Variants in ADGRL3 observed in about 807,000 individuals in gnomAD.
ADGRL3 encodes the protein adhesion G protein-coupled receptor L3, also known as calcium-independent alpha-latrotoxin receptor 3.
In ADGRL3, 62 loss-of-function variants were observed where a neutral mutation model predicts 153.5. The observed-to-expected ratio is 0.40, with a 90% CI of 0.33 to 0.50. The LOEUF is 0.50. ADGRL3 is among the 20% of genes least tolerant of loss of function. The pLI, the probability that ADGRL3 is intolerant of heterozygous loss-of-function variation, is 0.47. For synonymous variants in ADGRL3, 710 were observed against 672.5 expected, an observed-to-expected ratio of 1.06 and a Z score of -0.86; for missense variants, 1,641 against 1,859.4, an observed-to-expected ratio of 0.88 and a Z score of 2.16.
intron 1 of ADGRL3, among the ~76,000 whole-genome samples, chr4:61,314,459 C>T (rs1436237861): frequency 2.6e-5 from 4 of 152,154 alleles, no homozygotes; most frequent in East Asian, 1.9e-4. Flanking sequence ...TCCACCCGCT[C>T]GGCCTCCCAA....
intron 5 of ADGRL3, among the ~76,000 whole-genome samples, chr4:61,591,778 AAGAG>A (rs142130461): frequency 9.3e-5 from 14 of 151,338 alleles, no homozygotes; most frequent in East Asian, 7.8e-4. Context: ...ACATGCAGAA[AAGAG>A]AGAGAGAGAG....
intron 13 of ADGRL3, among the ~76,000 whole-genome samples, chr4:61,927,086 G>A (rs2098797456): frequency 6.6e-6 from 1 of 152,078 alleles, no homozygotes; most frequent in Non-Finnish European, 1.5e-5. Flanking sequence ...TTAATTACTT[G>A]TTTAATTGCC....
intron 5 of ADGRL3, among the ~76,000 whole-genome samples, chr4:61,641,267 A>AT (rs35499877): frequency 4.6e-4 from 69 of 151,048 alleles, no homozygotes; most frequent in Non-Finnish European, 6.4e-4. Context: ...AATAAATCCT[A>AT]TTTTTTTTTC....
At chr4:61,404,411 C>A (rs1252393284) in intron 2 of ADGRL3, among the ~76,000 whole-genome samples, 2 of 152,032 alleles carry the variant, frequency 1.3e-5, no homozygotes, top group East Asian at 3.9e-4. Flanking sequence ...AGACTAGTAC[C>A]TTGCTGCTTT....
chr4:61,525,501 T>C (rs977384759), intron 4 of ADGRL3, among the ~76,000 whole-genome samples: 11 of 152,122 alleles, frequency 7.2e-5, no homozygotes, highest in Non-Finnish European at 1.6e-4. Flanking sequence ...TAATTGTGTC[T>C]GTAGTGGGGA....
At chr4:61,228,073 G>T (rs143708031) in intron 1 of ADGRL3, among the ~76,000 whole-genome samples, 1 of 152,290 alleles carries the variant, frequency 6.6e-6, no homozygotes, top group African/African-American at 2.4e-5. Context: ...CTGAATTGCA[G>T]ATCTTGTTCA....
intron 9 of ADGRL3, among the ~76,000 whole-genome samples, chr4:61,867,979 T>G (rs1379812202): frequency 1.3e-5 from 2 of 152,186 alleles, no homozygotes; most frequent in Non-Finnish European, 2.9e-5. Flanking sequence ...TGTCACTTTA[T>G]AGCTTTGATT....
intron 6 of ADGRL3, among the ~76,000 whole-genome samples, chr4:61,718,282 A>G (rs2096165831): frequency 6.6e-6 from 1 of 152,162 alleles, no homozygotes; most frequent in African/African-American, 2.4e-5. Flanking sequence ...TTCTTAATAC[A>G]AATAAAGTTG....
At chr4:62,043,941 T>C (rs760261563) in intron 24 of ADGRL3, among the ~76,000 whole-genome samples, 12 of 151,990 alleles carry the variant, frequency 7.9e-5, no homozygotes, top group Non-Finnish European at 1.5e-4. Flanking sequence ...CTAAAAGTTA[T>C]GGAAAATTTA....
intron 4 of ADGRL3, among the ~76,000 whole-genome samples, chr4:61,525,368 C>A (rs993830374): frequency 2.0e-5 from 3 of 151,892 alleles, no homozygotes; most frequent in Admixed American, 2.0e-4. Flanking sequence ...TATGAAATGT[C>A]AAATAGTCTA....
chr4:61,279,892 G>T (rs2093646403), intron 1 of ADGRL3, among the ~76,000 whole-genome samples: 1 of 151,998 alleles, frequency 6.6e-6, no homozygotes, highest in South Asian at 2.1e-4. Context: ...TTCCCCGTCT[G>T]CAAAATAAGG....
At chr4:61,684,431 T>C (rs1313745217) in intron 6 of ADGRL3, among the ~76,000 whole-genome samples, 1 of 152,124 alleles carries the variant, frequency 6.6e-6, no homozygotes, top group East Asian at 1.9e-4. Flanking sequence ...GTGTTCCTGC[T>C]AATCTAATTC....
chr4:61,588,128 G>A (rs1408821115), intron 5 of ADGRL3, among the ~76,000 whole-genome samples: 2 of 151,634 alleles, frequency 1.3e-5, no homozygotes, highest in East Asian at 1.9e-4. Context: ...AGTTAGCTAA[G>A]TATTATATAT....
intron 2 of ADGRL3, among the ~76,000 whole-genome samples, chr4:61,419,469 A>G (rs1276482787): frequency 6.6e-6 from 1 of 151,030 alleles, no homozygotes; most frequent in African/African-American, 2.4e-5. Context: ...ATCCATTGCA[A>G]GGCACACTCA....
intron 2 of ADGRL3, among the ~76,000 whole-genome samples, chr4:61,434,310 CAG>C (rs1328234242): frequency 1.3e-5 from 2 of 152,012 alleles, no homozygotes; most frequent in Admixed American, 6.6e-5. Context: ...TTAATTGACA[CAG>C]ATATTATTGA....
At chr4:61,933,267 G>GT (rs1360356830) in intron 13 of ADGRL3, among the ~76,000 whole-genome samples, 2 of 151,880 alleles carry the variant, frequency 1.3e-5, no homozygotes, top group African/African-American at 2.4e-5. Context: ...AATATCTAAA[G>GT]TTTTTTTATT....
intron 25 of ADGRL3, among the ~76,000 whole-genome samples, chr4:62,061,577 G>A (rs566593628): frequency 2.6e-5 from 4 of 152,018 alleles, no homozygotes; most frequent in Middle Eastern, 3.4e-3. Context: ...ACAAGGATGC[G>A]TCATGTTGTC....
intron 2 of ADGRL3, among the ~76,000 whole-genome samples, chr4:61,462,232 A>C (rs2097828957): frequency 6.6e-6 from 1 of 152,182 alleles, no homozygotes; most frequent in African/African-American, 2.4e-5. Flanking sequence ...GGAGCCAGAA[A>C]GCTTCTGGAT....
chr4:61,749,740 A>T (rs2096727229), intron 8 of ADGRL3, among the ~76,000 whole-genome samples: 1 of 152,138 alleles, frequency 6.6e-6, no homozygotes, highest in South Asian at 2.1e-4. Context: ...GGATAGCTTT[A>T]GGAGATATAC....
Sources: gnomAD v4.1 joint callset for allele counts (sites outside exome capture counted in the v4.1 genomes callset) on GRCh38, gnomAD v4.1.1 for gene constraint, MANE v1.5 for transcripts, NCBI Gene and HGNC (gene_info 2026-07-23, HGNC 2026-07-21) for gene names.